Variants in LRRC28 observed in about 807,000 individuals in gnomAD.
LRRC28 encodes leucine-rich repeat-containing protein 28.
A neutral mutation model predicts 45.7 loss-of-function variants in LRRC28; 39 were observed. That is an observed-to-expected ratio of 0.85 (90% confidence interval 0.66 to 1.12). The LOEUF is 1.12. Ranked by LOEUF, LRRC28 falls within the 50% of genes most tolerant of loss-of-function variation. LRRC28 has a pLI of 0.00. For synonymous variants in LRRC28, 206 were observed against 178.8 expected, an observed-to-expected ratio of 1.15 and a Z score of -1.22; for missense variants, 435 against 438.5, an observed-to-expected ratio of 0.99 and a Z score of 0.07.
chr15:99,331,083 CATT>C (rs1230790067), intron 5 of LRRC28, among the ~76,000 whole-genome samples: 13 of 152,144 alleles, frequency 8.5e-5, no homozygotes, highest in Admixed American at 6.5e-4. Context: ...CATAATCACA[CATT>C]GTTGCCCCAT....
chr15:99,280,262 T>A (rs998064432), intron 3 of LRRC28, among the ~76,000 whole-genome samples: 1 of 152,088 alleles, frequency 6.6e-6, no homozygotes, highest in Non-Finnish European at 1.5e-5. Flanking sequence ...TTCATCCTGT[T>A]TATGTTCTTT....
At chr15:99,259,542 CT>C in intron 2 of LRRC28, 1 of 1,249,058 alleles carries the variant, frequency 8.0e-7, no homozygotes, top group East Asian at 2.3e-5. Flanking sequence ...CTGACAGAAT[CT>C]CTGTGTGCTT....
At chr15:99,294,045 G>T (rs1380328912) in intron 5 of LRRC28, among the ~76,000 whole-genome samples, 1 of 152,132 alleles carries the variant, frequency 6.6e-6, no homozygotes, top group African/African-American at 2.4e-5. Context: ...TGAGAAGTCA[G>T]CCATAATTTG....
rs374849179 is a variant in LRRC28, at chr15:99,363,077, C to T, written c.872-29C>T. 160 of 1,583,350 alleles carry T rather than the reference C, an allele frequency of 1.0e-4. 4 individuals carry two copies. In the South Asian group the frequency reaches 1.2e-3, roughly 12 times the overall value. On this transcript the variant is annotated intron_variant, in intron 8 of 9. Transcript: ENST00000301981. ...TTTAAGGAAGTCTGATTTTTTTACTCGTGTGCGTGATTTTCTTTTGTGTTC... is the reference window on the plus strand; with the variant it reads ...TTTAAGGAAGTCTGATTTTTTTACTTGTGTGCGTGATTTTCTTTTGTGTTC...
At chr15:99,297,956 C>T (rs1441892036) in intron 5 of LRRC28, among the ~76,000 whole-genome samples, 1 of 151,206 alleles carries the variant, frequency 6.6e-6, no homozygotes, top group African/African-American at 2.4e-5. Flanking sequence ...CAAATACATA[C>T]AGAAAAATAC....
intron 6 of LRRC28, among the ~76,000 whole-genome samples, chr15:99,341,312 G>A (rs1011818176): frequency 2.0e-5 from 3 of 151,920 alleles, no homozygotes; most frequent in Non-Finnish European, 4.4e-5. Flanking sequence ...GGCTGGTCTC[G>A]AACTCCTGAC....
At chr15:99,376,573 T>A (rs1957640981) in intron 9 of LRRC28, among the ~76,000 whole-genome samples, 1 of 152,212 alleles carries the variant, frequency 6.6e-6, no homozygotes, top group Non-Finnish European at 1.5e-5. Flanking sequence ...CTAGGGTACA[T>A]GTGCACAACG....
intron 7 of LRRC28, among the ~76,000 whole-genome samples, chr15:99,360,699 A>G (rs1957176388): frequency 1.3e-5 from 2 of 152,226 alleles, no homozygotes; most frequent in Admixed American, 6.5e-5. Context: ...ATGGTTTCAC[A>G]CAAGAAATAG....
intron 9 of LRRC28, among the ~76,000 whole-genome samples, chr15:99,381,991 A>AG (rs1597477139): frequency 6.6e-6 from 1 of 152,168 alleles, no homozygotes; most frequent in African/African-American, 2.4e-5. Flanking sequence ...GACCCACTTG[A>AG]GGGGGCAGTC....
chr15:99,326,830 T>C (rs1955994464), intron 5 of LRRC28, among the ~76,000 whole-genome samples: 2 of 152,318 alleles, frequency 1.3e-5, no homozygotes, highest in South Asian at 4.1e-4. Context: ...CTTATGTTCA[T>C]GAGGGATATT....
chr15:99,319,393 A>C (rs1955713683), intron 5 of LRRC28, among the ~76,000 whole-genome samples: 1 of 152,218 alleles, frequency 6.6e-6, no homozygotes, highest in Non-Finnish European at 1.5e-5. Context: ...AAATCCATGT[A>C]CAGACACAAA....
At chr15:99,378,423 C>T (rs558034540) in intron 9 of LRRC28, among the ~76,000 whole-genome samples, 151 of 152,256 alleles carry the variant, frequency 9.9e-4, no homozygotes, top group African/African-American at 3.5e-3. Flanking sequence ...TGCTTATCAG[C>T]TTAAGGAGAT....
chr15:99,376,379 G>C (rs191588119), intron 9 of LRRC28, among the ~76,000 whole-genome samples: 3 of 152,046 alleles, frequency 2.0e-5, no homozygotes, highest in Admixed American at 2.0e-4. Context: ...AACTTAAATT[G>C]TTCTTCATTC....
chr15:99,288,048 T>G (rs1000447400), intron 5 of LRRC28, 97 bp downstream of exon 5: 2 of 1,190,754 alleles, frequency 1.7e-6, no homozygotes, highest in African/African-American at 3.1e-5. Context: ...GTAGATGTAT[T>G]TATAAGTATT....
In LRRC28 at chr15:99,256,119, A is replaced by G. The variant is rs1418992685; in HGVS notation, c.162A>G (p.Thr54=). The change falls in exon 2 of 10, where the codon ACA becomes ACG. Residue 54 remains threonine (T), a synonymous_variant. Transcript: ENST00000301981. ...ERLYMKRNSL[T]SLPENLAQKL... is the part of the protein sequence containing the mutation. ...TCTATATGAAAAGGAACTCCCTGAC[A>G]TCCTTGGTACAGTATTATATTACAC... 7 of 1,609,594 alleles carry G rather than the reference A, an allele frequency of 4.3e-6. No homozygotes were observed. In the South Asian group the frequency reaches 6.6e-5, roughly 15 times the overall value.
intron 8 of LRRC28, among the ~76,000 whole-genome samples, 181 bp from the exon 9 acceptor site, chr15:99,362,925 A>C (rs941318299): frequency 4.6e-5 from 7 of 152,232 alleles, no homozygotes; most frequent in Non-Finnish European, 8.8e-5. Context: ...AAAAATATAA[A>C]AAAAAAATTT....
Position 99,253,851 on chromosome 15 carries a change from G to A in LRRC28, c.-60-2047G>A, listed in dbSNP as rs1186180600. ...TTGGATGGATTTGAGATGTATTTGGGAGATAGAGGCCACTAGCCTTGTGAT... is the reference window on the plus strand; with the variant it reads ...TTGGATGGATTTGAGATGTATTTGGAAGATAGAGGCCACTAGCCTTGTGAT... On this transcript the variant is annotated intron_variant, in intron 1 of 9. Transcript: ENST00000301981. 2.6e-5 allele frequency among the ~76,000 whole-genome samples: 4 copies of A among 152,178 alleles called. No individual in the cohort carries two copies. The East Asian group carries it at 7.7e-4, about 29-fold the overall frequency.
chr15:99,363,325 G>A, intron 9 of LRRC28, 60 bp downstream of exon 9: 1 of 1,582,728 alleles, frequency 6.3e-7, no homozygotes, highest in South Asian at 1.1e-5. Flanking sequence ...CAGGTGGGGA[G>A]GGGAGAGGCT....
At chr15:99,273,310 C>T (rs2081530003) in intron 2 of LRRC28, among the ~76,000 whole-genome samples, 1 of 150,808 alleles carries the variant, frequency 6.6e-6, no homozygotes, top group African/African-American at 2.5e-5. Flanking sequence ...GATCTTGGCT[C>T]ACTGCAAGCT....
Sources: allele counts gnomAD v4.1 joint callset (sites outside exome capture counted in the v4.1 genomes callset), GRCh38; gene constraint gnomAD v4.1.1; transcripts MANE v1.5; gene names NCBI Gene and HGNC (gene_info 2026-07-23, HGNC 2026-07-21).